Variants in PCDHGA11 observed in about 807,000 individuals in gnomAD.
PCDHGA11 encodes the protein protocadherin gamma subfamily A, 11.
In PCDHGA11, 39 loss-of-function variants were observed where a neutral mutation model predicts 60.4. The ratio of observed to expected loss-of-function variants is 0.65; its 90% CI spans 0.50 to 0.84. The LOEUF (loss-of-function observed/expected upper bound fraction) is 0.84. Among genes scored for constraint, PCDHGA11 ranks in the 40% least tolerant of loss-of-function variants. The pLI, the probability that PCDHGA11 is intolerant of heterozygous loss-of-function variation, is 0.00. For missense variants in PCDHGA11, 1,165 were observed against 1,197.7 expected (o/e 0.97, Z 0.40); for synonymous variants, 533 against 510.3 (o/e 1.04, Z -0.60).
chr5:141,428,358 G>T, intron 1 of PCDHGA11: 1 of 565,492 alleles, frequency 1.8e-6, no homozygotes, highest in Non-Finnish European at 3.2e-6. Flanking sequence ...TGATTTTGGC[G>T]GTCGCCTTGC....
Position 141,423,163 on chromosome 5 carries a change from G to A in PCDHGA11, c.1936G>A (p.Ala646Thr), listed in dbSNP as rs758720418. 1.2e-6 allele frequency: 2 copies of A among 1,613,480 alleles called. No homozygotes were observed. Among genetic ancestry groups the A allele is most frequent in the South Asian group, 2.2e-5 (2 of 91,042 alleles). ...RDALKQSLVV[A>T]VQDHGQPPLS... ...CGCGCTCAAGCAGAGCCTCGTGGTG[G>A]CCGTCCAGGACCACGGCCAGCCCCC... Residue 646 changes from alanine to threonine, a missense_variant, in exon 1 of 4, where the codon GCC becomes ACC. Ala to Thr is a moderately conservative substitution (Grantham distance 58). Transcript: ENST00000398587.
intron 1 of PCDHGA11, among the ~76,000 whole-genome samples, chr5:141,443,780 A>G (rs1337883957): frequency 6.6e-6 from 1 of 152,202 alleles, no homozygotes; most frequent in Non-Finnish European, 1.5e-5. Flanking sequence ...TACCAAAAAG[A>G]CAAAAAAAAT....
intron 2 of PCDHGA11, among the ~76,000 whole-genome samples, chr5:141,498,872 G>T (rs912789877): frequency 1.4e-4 from 21 of 151,650 alleles, no homozygotes; most frequent in Non-Finnish European, 2.9e-4. Flanking sequence ...GGCGGAGGTT[G>T]CAGTGAGCTG....
rs1362252002 is a variant in PCDHGA11, at chr5:141,486,112, G to C, written c.2434-8695G>C. ...TGGGGCCCCTAGACTTTGAGAGTGA[G>C]AATTACTATGAATTTGATGTGCGGG... On this transcript the variant is annotated intron_variant, in intron 1 of 3. Coordinates refer to ENST00000398587, the MANE Select transcript of PCDHGA11 (RefSeq NM_018914.3). The surrounding 1 kb of genome is among the most constrained non-coding windows in gnomAD (Gnocchi z 5.0). 6 of 1,614,166 alleles carry C rather than the reference G, an allele frequency of 3.7e-6. No individual in the cohort carries two copies. The highest frequency in any genetic ancestry group is 1.7e-6 in the Non-Finnish European group (2 of 1,180,024).
rs1476081470 is a variant in PCDHGA11, at chr5:141,432,757, C to G, written c.2433+9097C>G. 2.5e-6 allele frequency: 4 copies of G among 1,614,150 alleles called. No homozygotes were observed. The highest frequency in any genetic ancestry group is 1.3e-5 in the African/African-American group (1 of 75,076). ...TCACGCTCACCGTGGCCGTGGCCGA[C>G]AGCATCCCCCAAGTCCTGGCGGACC... On this transcript the variant is annotated intron_variant, in intron 1 of 3. Coordinates refer to ENST00000398587, the MANE Select transcript of PCDHGA11 (RefSeq NM_018914.3). This position sits in a 1 kb window ranked among gnomAD's most constrained non-coding sequence, Gnocchi z 6.0.
rs1460703461 is a variant in PCDHGA11 at position 141,490,596 on chromosome 5, C to G, written c.2434-4211C>G. 2.5e-6 allele frequency: 4 copies of G among 1,614,052 alleles called. No homozygotes were observed. The African/African-American group carries it at 4.0e-5, about 16-fold the overall frequency. On this transcript the variant is annotated intron_variant, in intron 1 of 3. Transcript: ENST00000398587. The surrounding 1 kb of genome is among the most constrained non-coding windows in gnomAD (Gnocchi z 5.4). Reference sequence around the variant, plus strand: ...TTTCAGATGTCAATGACAATGCACCCCGCTTCAACCAGCAGCTTTACACTG... The same window carrying G: ...TTTCAGATGTCAATGACAATGCACCGCGCTTCAACCAGCAGCTTTACACTG...
Position 141,511,126 on chromosome 5 carries a change from G to A in PCDHGA11, c.2761G>A (p.Gly921Ser). The A allele has an allele frequency of 1.9e-6, 3 of 1,614,212 alleles. No individual in the cohort carries two copies. The highest frequency in any genetic ancestry group is 2.2e-5 in the South Asian group (2 of 91,086). The change falls in exon 4 of 4, where the codon GGT becomes AGT. Residue 921 changes from glycine to serine, a missense_variant. Coordinates refer to ENST00000398587, the MANE Select transcript of PCDHGA11 (RefSeq NM_018914.3). ...AGKRDGKAPA[G>S]GNGNKKKSGK... ...CAAGCGGGATGGCAAGGCCCCAGCA[G>A]GTGGCAATGGCAACAAGAAGAAGTC...
At position 141,422,745 on chromosome 5, in the gene PCDHGA11, C is replaced by G. The variant is rs1380262961; in HGVS notation, c.1518C>G (p.Val506=). ...AGGGGGTGCCTCTGTCCTCCTATGT[C>G]TCTATTAACTCCAACACTGGTGTTC... ...TVQGVPLSSY[V]SINSNTGVLY... The change falls in exon 1 of 4, where the codon GTC becomes GTG. Residue 506 remains valine (V), a synonymous_variant. Transcript: ENST00000398587. The G allele has an allele frequency of 9.3e-6, 15 of 1,610,564 alleles. No homozygotes were observed. Among genetic ancestry groups the G allele is most frequent in the Non-Finnish European group, 1.3e-5 (15 of 1,177,940 alleles).
chr5:141,423,398 G>T lies in PCDHGA11; in HGVS notation c.2171G>T (p.Arg724Leu). 7 of 1,614,172 alleles carry T rather than the reference G, an allele frequency of 4.3e-6. No homozygotes were observed. The highest frequency in any genetic ancestry group is 5.9e-6 in the Non-Finnish European group (7 of 1,180,010). ...AGGCTGTGGCGCTGGCATAAGTCAC[G>T]CCTGCTGCAGGCTTCTGAAGGCGGG... is the stretch of plus-strand genomic sequence containing the variant. Reference protein sequence around the residue: ...ALRLWRWHKSRLLQASEGGLA... With the variant: ...ALRLWRWHKSLLLQASEGGLA... The change falls in exon 1 of 4, where the codon CGC (arginine) becomes CTC (leucine). Residue 724 changes from arginine to leucine, a missense_variant. By Grantham distance (102) the Arg-to-Leu change is moderately radical (BLOSUM62 -2). Transcript: ENST00000398587.
chr5:141,427,915 T>C lies in PCDHGA11; in HGVS notation c.2433+4255T>C, dbSNP rs779333176. ...GGCTCGCCCGCGCTCAGCGCCAACATGAGCCGGCGCATGTTGGTGGGCGAC... is the reference window on the plus strand; with the variant it reads ...GGCTCGCCCGCGCTCAGCGCCAACACGAGCCGGCGCATGTTGGTGGGCGAC... On this transcript the variant is annotated intron_variant, in intron 1 of 3. Transcript: ENST00000398587. The C allele has an allele frequency of 7.0e-6, 11 of 1,578,094 alleles. No individual in the cohort carries two copies. In the Admixed American group the frequency reaches 8.4e-5, roughly 12 times the overall value.
rs778744503 is a variant in PCDHGA11, at chr5:141,511,152, G to C, written c.2787G>C (p.Ser929=). 2 of 1,614,140 alleles carry C rather than the reference G, an allele frequency of 1.2e-6. No individual in the cohort carries two copies. Among genetic ancestry groups the C allele is most frequent in the South Asian group, 2.2e-5 (2 of 91,086 alleles). The change falls in exon 4 of 4, where the codon TCG becomes TCC. Residue 929 remains serine, a synonymous_variant. Coordinates refer to ENST00000398587, the MANE Select transcript of PCDHGA11 (RefSeq NM_018914.3). ...PAGGNGNKKK[S]GKKEKK ...GTGGCAATGGCAACAAGAAGAAGTC[G>C]GGCAAGAAGGAGAAGAAGTAACATG...
chr5:141,423,661 G>A lies in PCDHGA11; in HGVS notation c.2433+1G>A. The A allele has an allele frequency of 1.3e-6, 2 of 1,555,760 alleles. No individual in the cohort carries two copies. Among genetic ancestry groups the A allele is most frequent in the Non-Finnish European group, 1.7e-6 (2 of 1,153,622 alleles). ...CAAATGTGACCCGACAAGTAATCAG[G>A]TGAGATTTATTTCTCTGCCTCCTAA... On this transcript the variant is annotated splice_donor_variant, in intron 1 of 3. Coordinates refer to ENST00000398587, the MANE Select transcript of PCDHGA11 (RefSeq NM_018914.3). LOFTEE classifies it high-confidence loss of function.
rs1421124374 is a variant in PCDHGA11, at chr5:141,431,186, A to G, written c.2433+7526A>G. The G allele has an allele frequency of 1.9e-6, 3 of 1,614,110 alleles. No individual in the cohort carries two copies. ...TGAAAGTGAATTAGAAATAAAAATT[A>G]GTGAAAATGCAGCCACTGAGATGCG... On this transcript the variant is annotated intron_variant, in intron 1 of 3. Transcript: ENST00000398587. This position sits in a 1 kb window ranked among gnomAD's most constrained non-coding sequence, Gnocchi z 4.8.
Position 141,422,580 on chromosome 5 carries a change from C to T in PCDHGA11, c.1353C>T (p.Pro451=), listed in dbSNP as rs1310564205. The change falls in exon 1 of 4, where the codon CCC becomes CCT. Residue 451 remains proline (P), a synonymous_variant. Transcript: ENST00000398587. The part of the protein sequence containing the change: ...LNVADDNDNP[P]VFPHSSYSAY... ...TGGCAGATGACAACGATAACCCTCC[C>T]GTTTTTCCTCACTCCTCTTACTCTG... is the stretch of plus-strand genomic sequence containing the variant. The T allele has an allele frequency of 6.2e-6, 10 of 1,613,934 alleles. No homozygotes were observed. Among genetic ancestry groups the T allele is most frequent in the Non-Finnish European group, 8.5e-6 (10 of 1,179,962 alleles).
rs1052219950 is a variant in PCDHGA11, at chr5:141,476,865, G to A, written c.2434-17942G>A. The A allele has an allele frequency of 1.2e-6, 2 of 1,613,752 alleles. No individual in the cohort carries two copies. Among genetic ancestry groups the A allele is most frequent in the African/African-American group, 1.3e-5 (1 of 74,958 alleles). On this transcript the variant is annotated intron_variant, in intron 1 of 3. Coordinates refer to ENST00000398587, the MANE Select transcript of PCDHGA11 (RefSeq NM_018914.3). This position sits in a 1 kb window ranked among gnomAD's most constrained non-coding sequence, Gnocchi z 7.6. ...CCTGTCTTCAACCAGTCCTTGTACC[G>A]GGCGCGCGTCCTGGAGGATGCACCC...
intron 1 of PCDHGA11, chr5:141,427,201 A>G (rs1272966114): frequency 4.4e-6 from 2 of 456,618 alleles, no homozygotes; most frequent in African/African-American, 4.0e-5. Flanking sequence ...GACTTAATAG[A>G]CTTCGAATTT....
chr5:141,511,351 C>T lies in PCDHGA11; in HGVS notation c.*178C>T. The T allele has an allele frequency of 3.6e-6, 5 of 1,386,550 alleles. No individual in the cohort carries two copies. Among genetic ancestry groups the T allele is most frequent in the South Asian group, 1.5e-5 (1 of 67,154 alleles). The allele number at this position is 1,386,550 out of a possible 1,614,324, so 85.9% of individuals were successfully genotyped here. On this transcript the variant is annotated 3_prime_UTR_variant, in exon 4 of 4. Transcript: ENST00000398587. ...CCAGTCAGCACCTACCCCTTCCCCC[C>T]CAGGGGGTTGAATATGCAAAAGCAG...
intron 1 of PCDHGA11, among the ~76,000 whole-genome samples, chr5:141,482,791 G>T (rs1039924143): frequency 2.6e-5 from 4 of 152,168 alleles, no homozygotes; most frequent in African/African-American, 9.7e-5. Flanking sequence ...TGTGTGTGTG[G>T]CCGGGTACGG....
rs1005709757 is a variant in PCDHGA11 at position 141,495,051 on chromosome 5, A to G, written c.2492+186A>G. Among the ~76,000 whole-genome samples, 3 of 152,042 alleles carry G rather than the reference A, an allele frequency of 2.0e-5. No homozygotes were observed. In the East Asian group the frequency reaches 5.8e-4, roughly 29 times the overall value. On this transcript the variant is annotated intron_variant, in intron 2 of 3. Transcript: ENST00000398587. ...CCGGAAGGAAGAGGCGACTGCCCTG[A>G]CTGTTCAGGAAGCTCAATTCACATG... is the stretch of plus-strand genomic sequence containing the variant.
Sources: allele counts gnomAD v4.1 joint callset (sites outside exome capture counted in the v4.1 genomes callset), GRCh38; gene constraint gnomAD v4.1.1; non-coding constraint Gnocchi (gnomAD v3.1); transcripts MANE v1.5; gene names NCBI Gene and HGNC (gene_info 2026-07-23, HGNC 2026-07-21).